Variants in CSNK1G1 observed in about 807,000 individuals in gnomAD.
The protein encoded by CSNK1G1 is casein kinase 1 gamma 1.
Under a neutral mutation model 59.6 loss-of-function variants are expected in CSNK1G1, and 22 were observed. The ratio of observed to expected loss-of-function variants is 0.37; its 90% CI spans 0.26 to 0.53. The LOEUF is 0.53. Ranked by LOEUF, CSNK1G1 falls within the 20% of genes least tolerant of loss-of-function variation. The probability of loss-of-function intolerance (pLI) is 0.89; values close to 1 mark genes in which losing one functional copy is unlikely to be tolerated. For missense variants in CSNK1G1, 384 were observed against 519.5 expected, an observed-to-expected ratio of 0.74 and a Z score of 2.54; for synonymous variants, 179 against 177.1, an observed-to-expected ratio of 1.01 and a Z score of -0.08.
rs1041049043 is a variant in CSNK1G1, at chr15:64,200,373, G to T, written c.1107+2709C>A. On this transcript the variant is annotated intron_variant, in intron 10 of 11. Coordinates refer to ENST00000303052, the MANE Select transcript of CSNK1G1 (RefSeq NM_022048.5). The surrounding 1 kb of genome is among the most constrained non-coding windows in gnomAD (Gnocchi z 4.3). ...AGTTTCTCTCTTGTTGCCCAGGCTG[G>T]AGTGCAGTGGTGCCCAGGCTGGGGT... Among the ~76,000 whole-genome samples, 3 of 152,000 alleles carry T rather than the reference G, an allele frequency of 2.0e-5. No individual in the cohort carries two copies. Among genetic ancestry groups the T allele is most frequent in the African/African-American group, 7.3e-5 (3 of 41,376 alleles).
chr15:64,197,693 C>T (rs536352895), intron 10 of CSNK1G1, among the ~76,000 whole-genome samples: 1 of 152,282 alleles, frequency 6.6e-6, no homozygotes, highest in Non-Finnish European at 1.5e-5. Flanking sequence ...ATGTTTGCTG[C>T]CAGACTAGTA....
In CSNK1G1 at chr15:64,247,991, T is replaced by A. The variant is rs142245528; in HGVS notation, c.292+3521A>T. Among the ~76,000 whole-genome samples the A allele has an allele frequency of 4.4e-3, 677 of 152,368 alleles. 7 individuals are homozygous for A. The highest frequency in any genetic ancestry group is 0.014 in the South Asian group (67 of 4,830). ...TCATTGTCAGGAAATCCAAATATTT[T>A]ATAATTCACTGGACAGTAATGAACA... On this transcript the variant is annotated intron_variant, in intron 4 of 11. Transcript: ENST00000303052.
chr15:64,257,418 T>A (rs1263258461), intron 3 of CSNK1G1, among the ~76,000 whole-genome samples: 1 of 152,158 alleles, frequency 6.6e-6, no homozygotes, highest in African/African-American at 2.4e-5. Context: ...AATCAAAGAT[T>A]ATTCCAACTT....
intron 1 of CSNK1G1, among the ~76,000 whole-genome samples, chr15:64,347,398 T>C (rs949732143): frequency 4.6e-5 from 7 of 152,050 alleles, no homozygotes; most frequent in African/African-American, 7.2e-5. Context: ...GCAACAAAGA[T>C]GTCCTTCAAA....
chr15:64,173,239 TAG>T (rs892727033), intron 11 of CSNK1G1, among the ~76,000 whole-genome samples: 4 of 152,216 alleles, frequency 2.6e-5, no homozygotes, highest in African/African-American at 9.7e-5. Context: ...TCTTTTTAGT[TAG>T]ACTCTTTGGC....
intron 2 of CSNK1G1, among the ~76,000 whole-genome samples, chr15:64,266,131 C>T (rs1029816796): frequency 9.9e-5 from 15 of 152,030 alleles, no homozygotes; most frequent in African/African-American, 1.9e-4. Flanking sequence ...GACACGATCT[C>T]GGCTCAATGC....
Position 64,313,498 on chromosome 15 carries a change from G to A in CSNK1G1, c.-224-12775C>T, listed in dbSNP as rs572866355. On this transcript the variant is annotated intron_variant, in intron 1 of 11. Transcript: ENST00000303052. ...CATCATTCTCAGCAAACTAACACAAGAACAGAAAATCAAACACCGCATGTT... is the reference window on the plus strand; with the variant it reads ...CATCATTCTCAGCAAACTAACACAAAAACAGAAAATCAAACACCGCATGTT... Among the ~76,000 whole-genome samples the A allele has an allele frequency of 8.3e-4, 127 of 152,186 alleles. 1 individual carries two copies. The highest frequency in any genetic ancestry group is 2.9e-3 in the African/African-American group (120 of 41,514).
At chr15:64,218,304 A>G (rs1369330128) in intron 4 of CSNK1G1, among the ~76,000 whole-genome samples, 1 of 152,062 alleles carries the variant, frequency 6.6e-6, no homozygotes, top group African/African-American at 2.4e-5. Flanking sequence ...CATCTAACAC[A>G]TACTTCTCTC....
At chr15:64,294,351 G>A (rs567987122) in intron 2 of CSNK1G1, among the ~76,000 whole-genome samples, 1 of 152,240 alleles carries the variant, frequency 6.6e-6, no homozygotes, top group African/African-American at 2.4e-5. Context: ...TGGGATTACA[G>A]GCATGAGGCA....
intron 4 of CSNK1G1, among the ~76,000 whole-genome samples, chr15:64,219,308 C>T (rs1196404576): frequency 2.0e-5 from 3 of 152,204 alleles, no homozygotes; most frequent in Non-Finnish European, 4.4e-5. Flanking sequence ...ATTAATCAGA[C>T]ACATGGTAAA....
intron 1 of CSNK1G1, among the ~76,000 whole-genome samples, chr15:64,316,392 C>T (rs931835364): frequency 7.9e-5 from 12 of 151,642 alleles, no homozygotes; most frequent in South Asian, 2.1e-4. Context: ...AAAAATTAGC[C>T]GGGCATGGTG....
chr15:64,322,936 GGTT>G (rs957636842), intron 1 of CSNK1G1, among the ~76,000 whole-genome samples: 10 of 151,624 alleles, frequency 6.6e-5, no homozygotes, highest in Non-Finnish European at 1.5e-5. Flanking sequence ...TTTGTTTTTG[GGTT>G]GTTTTTTTTT....
chr15:64,327,637 G>A (rs1346241221), intron 1 of CSNK1G1, among the ~76,000 whole-genome samples: 8 of 151,816 alleles, frequency 5.3e-5, no homozygotes, highest in Middle Eastern at 3.4e-3. Context: ...CCAAAGGAAC[G>A]CAGTTCCTCA....
intron 1 of CSNK1G1, among the ~76,000 whole-genome samples, chr15:64,347,803 C>T (rs1898060056): frequency 6.6e-6 from 1 of 151,698 alleles, no homozygotes; most frequent in South Asian, 2.1e-4. Context: ...GTCAGGAGAT[C>T]GAGACCATCT....
intron 1 of CSNK1G1, among the ~76,000 whole-genome samples, chr15:64,332,510 T>G (rs1207309949): frequency 1.0e-5 from 1 of 97,486 alleles, no homozygotes; most frequent in Admixed American, 1.3e-4. Context: ...AATATCACAC[T>G]CTGGGGACTG....
chr15:64,218,371 A>G (rs1434966200), intron 4 of CSNK1G1, among the ~76,000 whole-genome samples: 3 of 151,532 alleles, frequency 2.0e-5, no homozygotes, highest in African/African-American at 7.3e-5. Flanking sequence ...GTATTAGTCT[A>G]TCTTGATTCA....
At chr15:64,296,937 CTTTTTTTT>C (rs960068624) in intron 2 of CSNK1G1, among the ~76,000 whole-genome samples, 1 of 89,668 alleles carries the variant, frequency 1.1e-5, no homozygotes, top group Non-Finnish European at 2.1e-5. Flanking sequence ...ACTATCGTTA[CTTTTTTTT>C]TTTTTTTTTT....
intron 1 of CSNK1G1, among the ~76,000 whole-genome samples, chr15:64,354,784 T>A (rs1020085646): frequency 6.6e-6 from 1 of 152,204 alleles, no homozygotes; most frequent in African/African-American, 2.4e-5. Flanking sequence ...ATACTACTTA[T>A]GAAGAAACAA....
rs1661982423 is a variant in CSNK1G1, at chr15:64,200,579, C to T, written c.1107+2503G>A. Among the ~76,000 whole-genome samples, 1 of 152,166 alleles carries T rather than the reference C, an allele frequency of 6.6e-6. No individual in the cohort carries two copies. Among genetic ancestry groups the T allele is most frequent in the Admixed American group, 6.5e-5 (1 of 15,288 alleles). ...CAGGCTGGTCTCGAACTCCTGACCT[C>T]AGGTGATCGACCCGCCTCGGCCTCC... On this transcript the variant is annotated intron_variant, in intron 10 of 11. Coordinates refer to ENST00000303052, the MANE Select transcript of CSNK1G1 (RefSeq NM_022048.5). The surrounding 1 kb of genome is among the most constrained non-coding windows in gnomAD (Gnocchi z 4.3).
Sources: allele counts gnomAD v4.1 joint callset (sites outside exome capture counted in the v4.1 genomes callset), GRCh38; gene constraint gnomAD v4.1.1; non-coding constraint Gnocchi (gnomAD v3.1); transcripts MANE v1.5; gene names NCBI Gene and HGNC (gene_info 2026-07-23, HGNC 2026-07-21).